The following ACACA variants were observed in gnomAD, a reference collection of about 807,000 sequenced individuals.
ACACA encodes the protein acetyl-CoA carboxylase 1.
A neutral mutation model predicts 296.1 loss-of-function variants in ACACA; 103 were observed. The observed-to-expected ratio is 0.35, with a 90% CI of 0.30 to 0.41. ACACA has a LOEUF of 0.41. Ranked by LOEUF, ACACA falls within the 10% of genes least tolerant of loss-of-function variation. The pLI, the probability that ACACA is intolerant of heterozygous loss-of-function variation, is 1.00. For missense variants in ACACA, 1,554 were observed against 2,989.7 expected (o/e 0.52, Z 11.20); for synonymous variants, 953 against 1,038.6 (o/e 0.92, Z 1.58).
chr17:37,147,619 C>T (rs1398663960), intron 45 of ACACA, among the ~76,000 whole-genome samples: 3 of 152,180 alleles, frequency 2.0e-5, no homozygotes, highest in Non-Finnish European at 4.4e-5. Context: ...GTGTCTTCAG[C>T]AGCACAGCTC....
intron 1 of ACACA, 96 bp from the exon 2 acceptor site, chr17:37,339,946 T>C (rs2048311001): frequency 4.5e-6 from 3 of 664,964 alleles, no homozygotes; most frequent in South Asian, 3.7e-5. Flanking sequence ...GGTAATAATA[T>C]ATGAAGTATC....
chr17:37,351,155 A>T (rs879630955), intron 1 of ACACA, among the ~76,000 whole-genome samples: 3 of 151,552 alleles, frequency 2.0e-5, no homozygotes, highest in Admixed American at 2.0e-4. Context: ...AAATAAAATA[A>T]AATATAAAAT....
intron 3 of ACACA, among the ~76,000 whole-genome samples, chr17:37,324,567 G>A (rs1221822457): frequency 6.6e-5 from 10 of 151,734 alleles, no homozygotes; most frequent in Non-Finnish European, 1.5e-4. Flanking sequence ...CTACTTGGGA[G>A]GCTGAGGCAG....
At chr17:37,280,804 C>T (rs2082484658) in intron 5 of ACACA, among the ~76,000 whole-genome samples, 1 of 151,636 alleles carries the variant, frequency 6.6e-6, no homozygotes, top group Non-Finnish European at 1.5e-5. Context: ...CCTTAGATGT[C>T]CAACACACAC....
At chr17:37,361,930 T>G (rs1170354151) in intron 1 of ACACA, among the ~76,000 whole-genome samples, 1 of 152,202 alleles carries the variant, frequency 6.6e-6, no homozygotes, top group East Asian at 1.9e-4. Context: ...CAAAATTCAT[T>G]TGTTGAAGTC....
At chr17:37,270,528 C>T (rs2082022173) in intron 10 of ACACA, among the ~76,000 whole-genome samples, 2 of 152,206 alleles carry the variant, frequency 1.3e-5, no homozygotes, top group Admixed American at 6.5e-5. Flanking sequence ...AATAACTCTA[C>T]TGTTTGAATT....
intron 50 of ACACA, 72 bp downstream of exon 50, chr17:37,121,283 C>A: frequency 6.2e-7 from 1 of 1,606,870 alleles, no homozygotes; most frequent in Non-Finnish European, 8.5e-7. Context: ...TCTGCTGAAT[C>A]TATACCCTCC....
intron 20 of ACACA, 72 bp downstream of exon 20, chr17:37,245,008 A>T: frequency 6.2e-7 from 1 of 1,604,436 alleles, no homozygotes; most frequent in Non-Finnish European, 8.5e-7. Flanking sequence ...AAGCATTGAA[A>T]TCACTTGCCT....
intron 1 of ACACA, among the ~76,000 whole-genome samples, chr17:37,390,282 T>C (rs4357989): frequency 0.047 from 2,372 of 50,698 alleles, 202 homozygotes; most frequent in East Asian, 0.23. Context: ...ATATATTATA[T>C]ATAATTATAT....
chr17:37,359,139 G>A, intron 1 of ACACA: 14 of 985,412 alleles, frequency 1.4e-5, no homozygotes, highest in Non-Finnish European at 1.6e-5. Flanking sequence ...GAGAAGGGGC[G>A]GGGCTTCAGG....
chr17:37,189,905 T>C (rs1217825489), intron 38 of ACACA, among the ~76,000 whole-genome samples: 1 of 151,982 alleles, frequency 6.6e-6, no homozygotes, highest in Non-Finnish European at 1.5e-5. Flanking sequence ...CCAGGCATGA[T>C]GACTCATGCC....
At chr17:37,221,552 CT>C in intron 29 of ACACA, 171 bp downstream of exon 29, 1 of 697,542 alleles carries the variant, frequency 1.4e-6, no homozygotes, top group South Asian at 1.6e-5. Context: ...TAATTTTTCT[CT>C]TTAGATCAAA....
chr17:37,261,845 G>A (rs1174884306), intron 11 of ACACA, among the ~76,000 whole-genome samples: 1 of 152,166 alleles, frequency 6.6e-6, no homozygotes, highest in Non-Finnish European at 1.5e-5. Context: ...TTTTCCAAAT[G>A]AGAGTTATCC....
chr17:37,207,636 CA>C lies in ACACA; in HGVS notation c.3851+20del. 1 of 1,613,614 alleles carries C rather than the reference CA, an allele frequency of 6.2e-7. No individual in the cohort carries two copies. Among genetic ancestry groups the C allele is most frequent in the East Asian group, 2.2e-5 (1 of 44,874 alleles). ...ATGTCCATGGCTCCCCTTGTACAGA[CA>C]TAGTTCCACAATGTCTTACCTGACA... On this transcript the variant is annotated intron_variant, in intron 31 of 55. Transcript: ENST00000616317.
At chr17:37,350,898 C>T (rs1174700791) in intron 1 of ACACA, among the ~76,000 whole-genome samples, 1 of 152,080 alleles carries the variant, frequency 6.6e-6, no homozygotes, top group Non-Finnish European at 1.5e-5. Context: ...TCTGGGAGGC[C>T]GAGGTGGGCA....
intron 41 of ACACA, among the ~76,000 whole-genome samples, chr17:37,164,872 C>G (rs1187997502): frequency 1.3e-5 from 2 of 152,182 alleles, no homozygotes; most frequent in Non-Finnish European, 2.9e-5. Flanking sequence ...GAAGAATCTA[C>G]TTCAGCATTT....
intron 15 of ACACA, among the ~76,000 whole-genome samples, 181 bp from the exon 16 acceptor site, chr17:37,252,289 G>A (rs1039761933): frequency 6.6e-6 from 1 of 152,118 alleles, no homozygotes; most frequent in Non-Finnish European, 1.5e-5. Context: ...TTGATTAGAG[G>A]CACCACTTGA....
intron 1 of ACACA, chr17:37,389,512 C>G (rs1428194046): frequency 8.5e-7 from 1 of 1,181,518 alleles, no homozygotes; most frequent in African/African-American, 1.6e-5. Flanking sequence ...ACCAACATGA[C>G]GAAACCCTGT....
chr17:37,216,833 TA>T (rs890129477), intron 29 of ACACA, among the ~76,000 whole-genome samples: 53 of 137,034 alleles, frequency 3.9e-4, no homozygotes, highest in South Asian at 9.3e-4. Flanking sequence ...TTTTCCTGAA[TA>T]AAAAAAAAAA....
Sources: allele counts gnomAD v4.1 joint callset (sites outside exome capture counted in the v4.1 genomes callset), GRCh38; gene constraint gnomAD v4.1.1; transcripts MANE v1.5; gene names NCBI Gene and HGNC (gene_info 2026-07-23, HGNC 2026-07-21).